Variants in CLIC5 observed in about 807,000 individuals in gnomAD.
CLIC5 encodes the protein CLIC family member 5.
A neutral mutation model predicts 24.7 loss-of-function variants in CLIC5; 20 were observed. That is an observed-to-expected ratio of 0.81 (90% CI 0.57 to 1.18). CLIC5 has a LOEUF of 1.18. CLIC5 is among the 50% of genes most tolerant of loss of function. The pLI is 0.00. For missense variants in CLIC5, 341 were observed against 326.1 expected (o/e 1.05, Z -0.35); for synonymous variants, 159 against 135.6 (o/e 1.17, Z -1.20).
chr6:45,998,865 A>T (rs1561993880), intron 1 of CLIC5, among the ~76,000 whole-genome samples: 1 of 152,218 alleles, frequency 6.6e-6, no homozygotes, highest in Non-Finnish European at 1.5e-5. Flanking sequence ...ATGAGGTGTT[A>T]CTAGAACACA....
chr6:45,993,163 T>C (rs1374409409), intron 1 of CLIC5, among the ~76,000 whole-genome samples: 2 of 152,154 alleles, frequency 1.3e-5, no homozygotes, highest in Non-Finnish European at 1.5e-5. Context: ...TCTTCAGAGA[T>C]GGGGGAGATT....
At chr6:46,060,821 T>C (rs1762242167) in intron 1 of CLIC5, among the ~76,000 whole-genome samples, 1 of 152,184 alleles carries the variant, frequency 6.6e-6, no homozygotes, top group African/African-American at 2.4e-5. Context: ...GGTTATTCAG[T>C]ACTGAGCATT....
chr6:45,972,241 C>T (rs1052599820), intron 1 of CLIC5, among the ~76,000 whole-genome samples: 2 of 152,176 alleles, frequency 1.3e-5, no homozygotes, highest in African/African-American at 4.8e-5. Context: ...ACAAAGATAA[C>T]TTGAATTGGC....
chr6:46,025,144 TC>T (rs1767294998), intron 1 of CLIC5, among the ~76,000 whole-genome samples: 1 of 152,162 alleles, frequency 6.6e-6, no homozygotes, highest in Non-Finnish European at 1.5e-5. Flanking sequence ...ATCTGGTGGT[TC>T]AACCTCTCGG....
At chr6:46,016,417 C>CG (rs1767010698), upstream of CLIC5, among the ~76,000 whole-genome samples, 4 of 151,936 alleles carry the variant, frequency 2.6e-5, no homozygotes, top group African/African-American at 7.3e-5. Context: ...GTGCTGGGGA[C>CG]GGGCAGGGCA....
intron 1 of CLIC5, among the ~76,000 whole-genome samples, chr6:46,046,391 G>T (rs752091144): frequency 2.6e-5 from 4 of 152,174 alleles, no homozygotes; most frequent in Non-Finnish European, 4.4e-5. Flanking sequence ...GAAACGAAAT[G>T]AAGTGTCAGT....
At chr6:46,007,841 C>T (rs1210991729) in intron 1 of CLIC5, among the ~76,000 whole-genome samples, 1 of 151,180 alleles carries the variant, frequency 6.6e-6, no homozygotes, top group East Asian at 1.9e-4. Context: ...AGTCACGCAA[C>T]CAGTGCGTGG....
the CLIC5 span, among the ~76,000 whole-genome samples, chr6:46,103,866 A>T: frequency 1.3e-5 from 2 of 152,046 alleles, no homozygotes; most frequent in Non-Finnish European, 2.9e-5. Context: ...GGAACCCAGG[A>T]CCTGACAAGC....
At chr6:45,980,685 C>T (rs1395055661) in intron 1 of CLIC5, among the ~76,000 whole-genome samples, 6 of 150,886 alleles carry the variant, frequency 4.0e-5, no homozygotes, top group Admixed American at 2.0e-4. Context: ...CAAAATGTAT[C>T]GGTTGTATAA....
At chr6:46,028,709 T>C (rs1475226795) in intron 1 of CLIC5, among the ~76,000 whole-genome samples, 2 of 152,312 alleles carry the variant, frequency 1.3e-5, no homozygotes, top group East Asian at 1.9e-4. Flanking sequence ...ATTTCCCATG[T>C]ACACCCTGCC....
chr6:46,028,796 A>G (rs1767416139), intron 1 of CLIC5, among the ~76,000 whole-genome samples: 1 of 152,258 alleles, frequency 6.6e-6, no homozygotes, highest in South Asian at 2.1e-4. Context: ...ACAAACCTAC[A>G]TAGGCACATC....
chr6:46,016,852 G>A (rs908843764), upstream of CLIC5, among the ~76,000 whole-genome samples: 5 of 152,064 alleles, frequency 3.3e-5, no homozygotes, highest in Non-Finnish European at 5.9e-5. Context: ...GGCTTCTTTC[G>A]CTCATTACTA....
At position 45,900,855 on chromosome 6, in the gene CLIC5, T is replaced by A. The variant is rs1174437452; in HGVS notation, c.*2233A>T. ...TGATTTGGTTTGGCCTGTTTGTTTTTAAGGACTTTCCAGTTGCTGAATTCT... is the reference window on the plus strand; with the variant it reads ...TGATTTGGTTTGGCCTGTTTGTTTTAAAGGACTTTCCAGTTGCTGAATTCT... On this transcript the variant is annotated 3_prime_UTR_variant, in exon 6 of 6. Transcript: ENST00000339561. 6.6e-6 allele frequency: 1 copy of A among 152,202 alleles called. No homozygotes were observed. Among genetic ancestry groups the A allele is most frequent in the African/African-American group, 2.4e-5 (1 of 41,446 alleles). The allele number at this position is 152,202 out of a possible 1,614,324, so 9.4% of individuals were successfully genotyped here. A position where few individuals can be genotyped will look rare whatever the true frequency, so the allele number is the denominator to read the frequency against.
intron 1 of CLIC5, among the ~76,000 whole-genome samples, chr6:46,030,249 A>G (rs928284322): frequency 4.6e-5 from 7 of 152,172 alleles, no homozygotes; most frequent in African/African-American, 1.7e-4. Context: ...TGACATTGTC[A>G]TAGATCCTAT....
rs201747746 is a variant in CLIC5, at chr6:46,066,950, G to A, written c.540+12753C>T. Among the ~76,000 whole-genome samples, 5 of 152,120 alleles carry A rather than the reference G, an allele frequency of 3.3e-5. No homozygotes were observed. The East Asian group carries it at 9.6e-4, about 29-fold the overall frequency. ...GAGCTCAGTACTCCTGGGACACGGTGAGTGAGGTAGAGCATGGTGGGAGAT... is the reference window on the plus strand; with the variant it reads ...GAGCTCAGTACTCCTGGGACACGGTAAGTGAGGTAGAGCATGGTGGGAGAT... On this transcript the variant is annotated intron_variant, in intron 1 of 5. Transcript: ENST00000185206.
rs1417821485 is a variant in CLIC5, at chr6:45,901,861, A to C, written c.*1227T>G. On this transcript the variant is annotated 3_prime_UTR_variant, in exon 6 of 6. Transcript: ENST00000339561. ...TCAAGTTCAAACCACATGGTTTCCT[A>C]GTCAGAAAGTCTCATGGACTTTCTT... The C allele has an allele frequency of 2.6e-5, 4 of 152,378 alleles. No individual in the cohort carries two copies. The highest frequency in any genetic ancestry group is 4.8e-5 in the African/African-American group (2 of 41,338). The allele number at this position is 152,378 out of a possible 1,614,324, so 9.4% of individuals were successfully genotyped here.
intron 1 of CLIC5, among the ~76,000 whole-genome samples, chr6:45,995,438 G>A (rs1766098360): frequency 6.6e-6 from 1 of 152,202 alleles, no homozygotes; most frequent in South Asian, 2.1e-4. Flanking sequence ...TGGAGAGGGA[G>A]GAGAAAGAAC....
intron 3 of CLIC5, among the ~76,000 whole-genome samples, chr6:45,942,735 G>A (rs1378984964): frequency 1.3e-5 from 2 of 152,188 alleles, no homozygotes; most frequent in Non-Finnish European, 2.9e-5. Context: ...TTACTCAACT[G>A]GCCCATGAGC....
chr6:45,993,848 T>A (rs749608689), intron 1 of CLIC5, among the ~76,000 whole-genome samples: 2 of 152,226 alleles, frequency 1.3e-5, no homozygotes, highest in South Asian at 4.1e-4. Flanking sequence ...ATTCTTTCTA[T>A]AGCAAGCCCT....
Sources: allele counts gnomAD v4.1 joint callset (sites outside exome capture counted in the v4.1 genomes callset), GRCh38; gene constraint gnomAD v4.1.1; transcripts MANE v1.5; gene names NCBI Gene and HGNC (gene_info 2026-07-23, HGNC 2026-07-21).